DNAAF9: variants seen among roughly 807,000 people sequenced by gnomAD.
DNAAF9 encodes the protein shulin.
A neutral mutation model predicts 167.0 loss-of-function variants in DNAAF9; 90 were observed. The observed-to-expected ratio is 0.54, with a 90% confidence interval of 0.45 to 0.64. The LOEUF is 0.64. Among genes scored for constraint, DNAAF9 ranks in the 30% least tolerant of loss-of-function variants. DNAAF9 has a pLI of 0.00. For synonymous variants in DNAAF9, 491 were observed against 508.8 expected, an observed-to-expected ratio of 0.96 and a Z score of 0.47; for missense variants, 1,315 against 1,442.2, an observed-to-expected ratio of 0.91 and a Z score of 1.43.
chr20:3,282,943 C>A (rs1343072058), intron 27 of DNAAF9, among the ~76,000 whole-genome samples: 1 of 152,166 alleles, frequency 6.6e-6, no homozygotes, highest in East Asian at 1.9e-4. Flanking sequence ...CTTCAAAGCC[C>A]CAATCGGCAG....
chr20:3,286,972 C>T (rs2068862885), intron 27 of DNAAF9, among the ~76,000 whole-genome samples: 1 of 152,190 alleles, frequency 6.6e-6, no homozygotes, highest in Non-Finnish European at 1.5e-5. Context: ...TGAGGGGCTC[C>T]TCCCTGAAAG....
intron 28 of DNAAF9, among the ~76,000 whole-genome samples, chr20:3,281,243 G>A (rs1280875337): frequency 1.3e-5 from 2 of 151,538 alleles, no homozygotes; most frequent in East Asian, 3.9e-4. Flanking sequence ...TGGCCAGGCT[G>A]GTCTCGAACT....
At chr20:3,264,568 A>G (rs1378118288) in intron 30 of DNAAF9, 44 bp from the exon 31 acceptor site, 2 of 972,188 alleles carry the variant, frequency 2.1e-6, no homozygotes, top group East Asian at 4.8e-5. Flanking sequence ...TAGGACTGTC[A>G]ATCTCTTTTT....
chr20:3,335,670 T>C (rs1418762192), intron 10 of DNAAF9, among the ~76,000 whole-genome samples: 1 of 144,698 alleles, frequency 6.9e-6, no homozygotes, highest in African/African-American at 2.6e-5. Context: ...GGCAGGAGAA[T>C]AGCTTGAACC....
At chr20:3,361,811 C>CT in intron 6 of DNAAF9, 1 of 1,346,960 alleles carries the variant, frequency 7.4e-7, no homozygotes, top group Middle Eastern at 2.7e-4. Flanking sequence ...AAATTTACTA[C>CT]TGAAAAATGA....
chr20:3,318,203 G>A (rs1600772489), intron 17 of DNAAF9, 86 bp downstream of exon 17: 1 of 635,548 alleles, frequency 1.6e-6, no homozygotes, highest in Non-Finnish European at 2.8e-6. Flanking sequence ...TTTATTGTTG[G>A]CCTTTTGCCT....
chr20:3,308,911 A>G (rs529504553), intron 20 of DNAAF9, among the ~76,000 whole-genome samples: 1 of 151,938 alleles, frequency 6.6e-6, no homozygotes, highest in Non-Finnish European at 1.5e-5. Flanking sequence ...GGTAGCTCTT[A>G]TAAGGGCACC....
At chr20:3,394,959 T>TCTGAGACAGCCTTGA (rs1568647966) in intron 1 of DNAAF9, among the ~76,000 whole-genome samples, 6 of 26,746 alleles carry the variant, frequency 2.2e-4, no homozygotes, top group African/African-American at 7.0e-4. Context: ...CTTTTTTTTT[T>TCTGAGACAGCCTTGA]TTTTTTTTTT....
At chr20:3,258,821 C>T (rs1168400221) in intron 33 of DNAAF9, among the ~76,000 whole-genome samples, 5 of 152,330 alleles carry the variant, frequency 3.3e-5, no homozygotes, top group African/African-American at 9.6e-5. Context: ...CCCTAACAGA[C>T]GCACTCCCTC....
chr20:3,278,322 C>T (rs545777012), intron 29 of DNAAF9, among the ~76,000 whole-genome samples: 1 of 152,262 alleles, frequency 6.6e-6, no homozygotes, highest in Non-Finnish European at 1.5e-5. Flanking sequence ...CTTGCTGATC[C>T]AGAGGCTAGG....
chr20:3,262,452 T>C (rs1312444849), intron 31 of DNAAF9, among the ~76,000 whole-genome samples: 1 of 152,078 alleles, frequency 6.6e-6, no homozygotes, highest in Non-Finnish European at 1.5e-5. Flanking sequence ...GGTTTCACCA[T>C]GTTGGCCAGG....
chr20:3,325,051 C>T, intron 13 of DNAAF9, 83 bp from the exon 14 acceptor site: 1 of 810,898 alleles, frequency 1.2e-6, no homozygotes, highest in Non-Finnish European at 2.2e-6. Flanking sequence ...CCTCCTAACA[C>T]TTGTCCAGGA....
intron 10 of DNAAF9, among the ~76,000 whole-genome samples, chr20:3,338,547 G>A (rs2070013353): frequency 6.6e-6 from 1 of 151,834 alleles, no homozygotes; most frequent in African/African-American, 2.4e-5. Flanking sequence ...TCTTGGCCAT[G>A]ACTACTTCAA....
Position 3,298,141 on chromosome 20 carries a change from T to C in DNAAF9, c.1817A>G (p.Asp606Gly). The C allele has an allele frequency of 6.2e-7, 1 of 1,613,820 alleles. No homozygotes were observed. The highest frequency in any genetic ancestry group is 1.1e-5 in the South Asian group (1 of 91,072). The change falls in exon 22 of 37, where the codon GAC becomes GGC. Residue 606 changes from aspartate (D) to glycine (G), a missense_variant. Physicochemically the swap from Asp to Gly is moderately conservative, Grantham distance 94. Coordinates refer to ENST00000252032, the MANE Select transcript of DNAAF9 (RefSeq NM_001009984.3). ...GTGAGGAAGCAATGAGCTTTTGAAG[T>C]CTATGAGAAGAGCAGCAACAGTACT... ...STSTVAALLI[D>G]FKSSLLPHLP...
chr20:3,377,047 C>A (rs1361786762), intron 3 of DNAAF9, among the ~76,000 whole-genome samples: 2 of 151,982 alleles, frequency 1.3e-5, no homozygotes, highest in African/African-American at 4.8e-5. Context: ...CCAGACTGGG[C>A]GACAGAGTGA....
At chr20:3,261,339 T>C (rs1005544098) in intron 31 of DNAAF9, among the ~76,000 whole-genome samples, 1 of 151,410 alleles carries the variant, frequency 6.6e-6, no homozygotes, top group African/African-American at 2.4e-5. Context: ...GCCTAGCCTG[T>C]TTCCTTTATT....
chr20:3,264,760 G>A (rs1458496205), intron 30 of DNAAF9, among the ~76,000 whole-genome samples: 2 of 152,126 alleles, frequency 1.3e-5, no homozygotes, highest in African/African-American at 2.4e-5. Flanking sequence ...AGTAGGGACG[G>A]GGTTTCACCA....
At position 3,348,531 on chromosome 20, in the gene DNAAF9, C is replaced by T. The variant is rs372936526; in HGVS notation, c.783G>A (p.Ala261=). 53 of 1,582,130 alleles carry T rather than the reference C, an allele frequency of 3.3e-5. No individual in the cohort carries two copies. Among genetic ancestry groups the T allele is most frequent in the African/African-American group, 1.1e-4 (8 of 74,310 alleles). ...TGACCCTTCCCTTACATACCTCACC[C>T]GCCTGAGATTCTGAAAGTTCTAGCA... The part of the protein sequence containing the change: ...PFLLELSESQ[A]GEPFRSYFSH... Residue 261 remains alanine (A), a synonymous_variant, in exon 8 of 37, where the codon GCG becomes GCA. Coordinates refer to ENST00000252032, the MANE Select transcript of DNAAF9 (RefSeq NM_001009984.3).
intron 6 of DNAAF9, among the ~76,000 whole-genome samples, chr20:3,367,742 A>G (rs112715470): frequency 0.015 from 2,322 of 152,294 alleles, 29 homozygotes; most frequent in Non-Finnish European, 0.024. Flanking sequence ...TGGTAACATC[A>G]GAGATCACTC....
Sources: gnomAD v4.1 joint callset for allele counts (sites outside exome capture counted in the v4.1 genomes callset) on GRCh38, gnomAD v4.1.1 for gene constraint, MANE v1.5 for transcripts, NCBI Gene and HGNC (gene_info 2026-07-23, HGNC 2026-07-21) for gene names.